The following GRHPR variants were observed in gnomAD, a reference collection of about 807,000 sequenced individuals.
GRHPR encodes the protein glyoxylate and hydroxypyruvate reductase, also known as glyoxylate reductase/hydroxypyruvate reductase.
Under a neutral mutation model 36.8 loss-of-function variants are expected in GRHPR, and 35 were observed. That is an observed-to-expected ratio of 0.95 (90% confidence interval 0.73 to 1.26). GRHPR has a LOEUF of 1.26. GRHPR is among the 50% of genes most tolerant of loss of function. The probability of loss-of-function intolerance (pLI) is 0.00; values close to 1 mark genes in which losing one functional copy is unlikely to be tolerated. For missense variants in GRHPR, 380 were observed against 435.0 expected, an observed-to-expected ratio of 0.87 and a Z score of 1.12; for synonymous variants, 179 against 181.0, an observed-to-expected ratio of 0.99 and a Z score of 0.09.
intron 8 of GRHPR, 126 bp downstream of exon 8, chr9:37,432,264 G>T (rs2118891827): frequency 1.1e-6 from 1 of 873,772 alleles, no homozygotes; most frequent in East Asian, 2.6e-5. Flanking sequence ...GACACACCAG[G>T]GATCGTAAAT....
chr9:37,430,898 G>A (rs1050842691), intron 7 of GRHPR: 13 of 606,856 alleles, frequency 2.1e-5, no homozygotes, highest in Middle Eastern at 5.1e-4. Context: ...CTGGCACACA[G>A]CAGCGTGGCT....
At chr9:37,432,215 G>C in intron 8 of GRHPR, 77 bp downstream of exon 8, 6 of 1,439,804 alleles carry the variant, frequency 4.2e-6, no homozygotes, top group Admixed American at 1.7e-5. Context: ...CCAAGGGGCC[G>C]GGTGTGGAGC....
intron 8 of GRHPR, among the ~76,000 whole-genome samples, chr9:37,433,678 G>A (rs1312312081): frequency 2.6e-5 from 4 of 152,192 alleles, no homozygotes. Context: ...TGCCACTGAT[G>A]CTGCTGGTCC....
At chr9:37,435,133 C>A (rs924268328) in intron 8 of GRHPR, among the ~76,000 whole-genome samples, 1 of 152,148 alleles carries the variant, frequency 6.6e-6, no homozygotes, top group Non-Finnish European at 1.5e-5. Context: ...TACCTCTAGT[C>A]CTAGCTGCTC....
At chr9:37,430,446 T>C in intron 6 of GRHPR, 65 bp from the exon 7 acceptor site, 1 of 1,405,314 alleles carries the variant, frequency 7.1e-7, no homozygotes. Flanking sequence ...AAGGGGCTGG[T>C]CTCCCGCCAT....
chr9:37,428,261 GGC>G (rs1823178523), intron 4 of GRHPR: 4 of 599,626 alleles, frequency 6.7e-6, no homozygotes, highest in Non-Finnish European at 1.2e-5. Context: ...GAGCCAGTAA[GGC>G]CCCTTCCCGC....
intron 4 of GRHPR, among the ~76,000 whole-genome samples, chr9:37,427,018 T>C (rs1353867208): frequency 6.6e-6 from 1 of 151,982 alleles, no homozygotes; most frequent in Non-Finnish European, 1.5e-5. Context: ...TGGATCCTGA[T>C]CACTGTGCCA....
In GRHPR at chr9:37,430,599, C is replaced by G; in HGVS notation, c.687C>G (p.Asp229Glu). 6.2e-7 allele frequency: 1 copy of G among 1,613,868 alleles called. No homozygotes were observed. The highest frequency in any genetic ancestry group is 8.5e-7 in the Non-Finnish European group (1 of 1,179,724). The change falls in exon 7 of 9, where the codon GAC becomes GAG. Residue 229 changes from aspartate to glutamate, a missense_variant. Asp to Glu is a conservative substitution (Grantham distance 45, BLOSUM62 2). Transcript: ENST00000318158. ...TPATEGLCNK[D>E]FFQKMKETAV... ...CAACCGAGGGACTCTGCAACAAGGA[C>G]TTCTTCCAGAAGATGAAGGAAACAG... is the stretch of plus-strand genomic sequence containing the variant.
Position 37,430,588 on chromosome 9 carries a change from T to C in GRHPR, c.676T>C (p.Cys226Arg), listed in dbSNP as rs1823315482. Reference protein sequence around the residue: ...CSLTPATEGLCNKDFFQKMKE... With the variant: ...CSLTPATEGLRNKDFFQKMKE... ...CTTAACACCTGCAACCGAGGGACTC[T>C]GCAACAAGGACTTCTTCCAGAAGAT... The change falls in exon 7 of 9, where the codon TGC (cysteine) becomes CGC (arginine). Residue 226 changes from cysteine (C) to arginine (R), a missense_variant. By Grantham distance (180) the Cys-to-Arg change is radical (BLOSUM62 -3). Coordinates refer to ENST00000318158, the MANE Select transcript of GRHPR (RefSeq NM_012203.2). The C allele has an allele frequency of 1.9e-6, 3 of 1,613,830 alleles. No individual in the cohort carries two copies. The highest frequency in any genetic ancestry group is 2.5e-6 in the Non-Finnish European group (3 of 1,179,708).
At chr9:37,422,674 C>A, upstream of GRHPR, 2 of 1,202,468 alleles carry the variant, frequency 1.7e-6, no homozygotes, top group Non-Finnish European at 2.4e-6. Flanking sequence ...CCACTCCAGC[C>A]TGGCCCCGCC....
In GRHPR at chr9:37,426,595, A is replaced by T. The variant is rs147053190; in HGVS notation, c.345A>T (p.Ala115=). The change falls in exon 4 of 9, where the codon GCA becomes GCT. Residue 115 remains alanine, a synonymous_variant. Coordinates refer to ENST00000318158, the MANE Select transcript of GRHPR (RefSeq NM_012203.2). Reference sequence around the variant, plus strand: ...TGACAGATACCACCGCCGAACTCGCAGTCTCCCTGCTACTTACCACCTGCC... The same window carrying T: ...TGACAGATACCACCGCCGAACTCGCTGTCTCCCTGCTACTTACCACCTGCC... ...DVLTDTTAEL[A]VSLLLTTCRR... 82 of 1,614,032 alleles carry T rather than the reference A, an allele frequency of 5.1e-5. No individual in the cohort carries two copies. The African/African-American group carries it at 9.7e-4, about 19-fold the overall frequency.
At chr9:37,431,410 A>G in intron 7 of GRHPR, 1 of 278,070 alleles carries the variant, frequency 3.6e-6, no homozygotes, top group South Asian at 3.7e-5. Flanking sequence ...GCATGTACCC[A>G]GGACAGCCCA....
At chr9:37,437,991 C>T (rs1823751339), downstream of GRHPR, 1 of 152,206 alleles carries the variant, frequency 6.6e-6, no homozygotes, top group African/African-American at 2.4e-5. Context: ...GACCAATTAA[C>T]TGTTAATAGA....
downstream of GRHPR, among the ~76,000 whole-genome samples, chr9:37,437,686 ATTTTT>A (rs57294640): frequency 4.8e-5 from 7 of 146,856 alleles, no homozygotes; most frequent in Non-Finnish European, 6.0e-5. Context: ...CCCCAGGTGG[ATTTTT>A]TTTTTTTTTA....
chr9:37,436,484 C>A (rs952581642), intron 8 of GRHPR, among the ~76,000 whole-genome samples, 177 bp from the exon 9 acceptor site: 5 of 152,146 alleles, frequency 3.3e-5, no homozygotes, highest in Admixed American at 2.6e-4. Context: ...TTAGTCTGAA[C>A]CTCAGCTCTG....
Position 37,426,950 on chromosome 9 carries a change from C to CAA in GRHPR, c.404+306_404+307dup, listed in dbSNP as rs58991793. On this transcript the variant is annotated intron_variant, in intron 4 of 8. Coordinates refer to ENST00000318158, the MANE Select transcript of GRHPR (RefSeq NM_012203.2). ...CAGGTGACGGTGTGAGACTCTGTCT[C>CAA]AAAAAAAAAAAGAAAAATAAGTGAA... 6.5e-3 allele frequency among the ~76,000 whole-genome samples: 954 copies of CAA among 147,306 alleles called. 19 individuals carry two copies. Among genetic ancestry groups the CAA allele is most frequent in the African/African-American group, 0.021 (838 of 39,746 alleles).
At position 37,427,068 on chromosome 9, in the gene GRHPR, A is replaced by G. The variant is rs141814345; in HGVS notation, c.404+414A>G. Among the ~76,000 whole-genome samples the G allele has an allele frequency of 2.5e-3, 377 of 152,316 alleles. 3 individuals are homozygous for G. Among genetic ancestry groups the G allele is most frequent in the African/African-American group, 8.6e-3 (359 of 41,560 alleles). ...TAGTCCCTGACCCCAGGTGTGCCCCATTGAGTGAGGACTCAGCTAAAATAA... is the reference window on the plus strand; with the variant it reads ...TAGTCCCTGACCCCAGGTGTGCCCCGTTGAGTGAGGACTCAGCTAAAATAA... On this transcript the variant is annotated intron_variant, in intron 4 of 8. Transcript: ENST00000318158.
intron 2 of GRHPR, among the ~76,000 whole-genome samples, chr9:37,425,338 A>G (rs1054052729): frequency 4.6e-5 from 7 of 152,240 alleles, no homozygotes; most frequent in African/African-American, 1.7e-4. Flanking sequence ...GCTCAGTGCC[A>G]AGCCCCAGCA....
At chr9:37,428,974 G>C (rs1032760531) in intron 5 of GRHPR, 1 of 356,904 alleles carries the variant, frequency 2.8e-6, no homozygotes, top group Non-Finnish European at 5.5e-6. Context: ...GGAGGGCTCA[G>C]TGGGCAGAGT....
Sources: gnomAD v4.1 joint callset for allele counts (sites outside exome capture counted in the v4.1 genomes callset) on GRCh38, gnomAD v4.1.1 for gene constraint, MANE v1.5 for transcripts, NCBI Gene and HGNC (gene_info 2026-07-23, HGNC 2026-07-21) for gene names.